CRACD: variants seen among roughly 807,000 people sequenced by gnomAD.
The protein encoded by CRACD is capping protein-inhibiting regulator of actin dynamics.
In CRACD, 56 loss-of-function variants were observed where a neutral mutation model predicts 106.8. The ratio of observed to expected loss-of-function variants is 0.52; its 90% confidence interval spans 0.42 to 0.66. The LOEUF (loss-of-function observed/expected upper bound fraction) is 0.66. Ranked by LOEUF, CRACD falls within the 30% of genes least tolerant of loss-of-function variation. The pLI, the probability that CRACD is intolerant of heterozygous loss-of-function variation, is 0.00. For missense variants in CRACD, 1,730 were observed against 1,623.2 expected (o/e 1.07, Z -1.13); for synonymous variants, 754 against 670.8 (o/e 1.12, Z -1.92).
chr4:56,073,068 G>T (rs758812879), intron 1 of CRACD, among the ~76,000 whole-genome samples: 1 of 152,088 alleles, frequency 6.6e-6, no homozygotes, highest in Non-Finnish European at 1.5e-5. Flanking sequence ...ATAAACATAC[G>T]TTTGCCTGTG....
intron 4 of CRACD, among the ~76,000 whole-genome samples, chr4:56,304,037 G>T (rs1744521487): frequency 6.6e-6 from 1 of 152,134 alleles, no homozygotes; most frequent in Non-Finnish European, 1.5e-5. Context: ...TTGCCAGGAT[G>T]AACATATCTG....
At chr4:56,297,536 A>T (rs937211381) in intron 3 of CRACD, among the ~76,000 whole-genome samples, 2 of 152,186 alleles carry the variant, frequency 1.3e-5, no homozygotes, top group Non-Finnish European at 2.9e-5. Context: ...CCATGATCAC[A>T]CCACTGCACT....
At chr4:56,117,492 T>G (rs1577674066) in intron 1 of CRACD, among the ~76,000 whole-genome samples, 1 of 151,536 alleles carries the variant, frequency 6.6e-6, no homozygotes, top group African/African-American at 2.4e-5. Context: ...TGGAAGGAGG[T>G]TGGGAAATGG....
In CRACD at chr4:56,314,473, AG is replaced by A; in HGVS notation, c.973del (p.Ala325ProfsTer99). 6.5e-7 allele frequency: 1 copy of A among 1,531,398 alleles called. No homozygotes were observed. The highest frequency in any genetic ancestry group is 1.2e-5 in the South Asian group (1 of 81,892). The allele number at this position is 1,531,398 out of a possible 1,614,324, so 94.9% of individuals were successfully genotyped here. A position where few individuals can be genotyped will look rare whatever the true frequency, so the allele number is the denominator to read the frequency against. Reference protein sequence around the residue: ...LEAEEERRRLQAQAQAEERRR... With the variant: ...LEAEEERRRLXAQAQAEERRR... The stretch of plus-strand genomic sequence containing the variant: ...GCGGAGGAGGAGCGAAGGCGTCTGC[AG>A]GCCCAGGCCCAAGCGGAGGAGAGGC... On this transcript the variant is annotated frameshift_variant, in exon 8 of 11. Transcript: ENST00000682029. LOFTEE classifies it high-confidence loss of function. The surrounding 1 kb of genome is among the most constrained non-coding windows in gnomAD (Gnocchi z 4.4).
intron 1 of CRACD, among the ~76,000 whole-genome samples, chr4:56,116,631 C>T (rs1294927181): frequency 6.6e-6 from 1 of 152,208 alleles, no homozygotes; most frequent in East Asian, 1.9e-4. Flanking sequence ...TGTAAGTAAA[C>T]TTACGCATTT....
Position 56,315,631 on chromosome 4 carries a change from G to A in CRACD, c.2129G>A (p.Arg710Gln), listed in dbSNP as rs3796546. The change falls in exon 8 of 11, where the codon CGG becomes CAG. Residue 710 changes from arginine to glutamine, a missense_variant. Physicochemically the swap from Arg to Gln is conservative, Grantham distance 43 (BLOSUM62 1). This residue lies in a region of CRACD where 1,620 missense variants were observed against 1,481.6 expected (regional missense o/e 1.09). Transcript: ENST00000682029. This position sits in a 1 kb window ranked among gnomAD's most constrained non-coding sequence, Gnocchi z 4.1. ...CGGTGTGATTCCCGCGGGAACCAACGGAAGACTCCGCCAGTCAATGCAAAG... is the reference window on the plus strand; with the variant it reads ...CGGTGTGATTCCCGCGGGAACCAACAGAAGACTCCGCCAGTCAATGCAAAG... Reference protein sequence around the residue: ...RGRCDSRGNQRKTPPVNAKFS... With the variant: ...RGRCDSRGNQQKTPPVNAKFS... The A allele has an allele frequency of 4.2e-5, 68 of 1,614,152 alleles. No individual in the cohort carries two copies. The East Asian group carries it at 1.3e-3, about 32-fold the overall frequency.
chr4:56,146,167 CAA>C (rs1303601157), intron 1 of CRACD, among the ~76,000 whole-genome samples: 1 of 152,086 alleles, frequency 6.6e-6, no homozygotes, highest in Non-Finnish European at 1.5e-5. Context: ...AAGAATTATT[CAA>C]AAGAGTATCT....
At chr4:56,051,760 T>C (rs1026271177) in intron 1 of CRACD, among the ~76,000 whole-genome samples, 2 of 152,220 alleles carry the variant, frequency 1.3e-5, no homozygotes, top group African/African-American at 2.4e-5. Context: ...AGAAAAGGTA[T>C]ATTTTACAAC....
intron 1 of CRACD, among the ~76,000 whole-genome samples, chr4:56,103,849 C>G (rs557547520): frequency 2.6e-5 from 4 of 152,332 alleles, no homozygotes; most frequent in African/African-American, 9.6e-5. Context: ...GGCACAATCT[C>G]AGCTCACTGC....
At chr4:56,210,650 CA>C (rs1412353334) in intron 2 of CRACD, among the ~76,000 whole-genome samples, 1 of 152,212 alleles carries the variant, frequency 6.6e-6, no homozygotes, top group African/African-American at 2.4e-5. Context: ...TTGTCTTCCC[CA>C]TAACTAAAGT....
At chr4:56,295,462 G>C (rs1295696262) in intron 3 of CRACD, among the ~76,000 whole-genome samples, 1 of 151,608 alleles carries the variant, frequency 6.6e-6, no homozygotes, top group Non-Finnish European at 1.5e-5. Flanking sequence ...GTAATGAATG[G>C]ACATCAGATC....
chr4:56,293,870 G>A (rs1343694458), intron 3 of CRACD, among the ~76,000 whole-genome samples: 2 of 152,146 alleles, frequency 1.3e-5, no homozygotes, highest in African/African-American at 4.8e-5. Flanking sequence ...AACCATATCA[G>A]TAGATCATGT....
At chr4:56,130,751 C>G (rs1204115440) in intron 1 of CRACD, among the ~76,000 whole-genome samples, 1 of 152,056 alleles carries the variant, frequency 6.6e-6, no homozygotes, top group Non-Finnish European at 1.5e-5. Flanking sequence ...ACAAAATTGG[C>G]TTTCTGCCAA....
intron 1 of CRACD, among the ~76,000 whole-genome samples, chr4:56,054,266 T>G (rs1185430321): frequency 6.6e-5 from 10 of 152,178 alleles, no homozygotes; most frequent in African/African-American, 2.4e-4. Flanking sequence ...CTGCAGCCTC[T>G]ACCTCCTGGG....
At position 56,315,224 on chromosome 4, in the gene CRACD, G is replaced by C. The variant is rs1745518408; in HGVS notation, c.1722G>C (p.Lys574Asn). The change falls in exon 8 of 11, where the codon AAG becomes AAC. Residue 574 changes from lysine (K) to asparagine (N), a missense_variant. Around this residue, in one of 5 missense-constraint regions of CRACD, gnomAD observed 1,620 missense variants for 1,481.6 expected, o/e 1.09. Coordinates refer to ENST00000682029, the MANE Select transcript of CRACD (RefSeq NM_001393381.1). This position sits in a 1 kb window ranked among gnomAD's most constrained non-coding sequence, Gnocchi z 4.1. ...TCACCGCTGCTCCCCAGGAACCAAA[G>C]GCCCCCAAAGCCAGCCCAGTCCAGC... is the stretch of plus-strand genomic sequence containing the variant. ...TGLTAAPQEP[K>N]APKASPVQHA... 3.8e-6 allele frequency: 6 copies of C among 1,595,326 alleles called. No homozygotes were observed. Among genetic ancestry groups the C allele is most frequent in the Admixed American group, 1.8e-5 (1 of 56,376 alleles).
chr4:56,254,015 G>T (rs1741196913), intron 2 of CRACD, among the ~76,000 whole-genome samples: 4 of 152,186 alleles, frequency 2.6e-5, no homozygotes, highest in Admixed American at 6.5e-5. Context: ...AGAATTGGAA[G>T]GTCATCTGTT....
chr4:56,238,390 A>G (rs1740121739), intron 2 of CRACD, among the ~76,000 whole-genome samples: 1 of 152,246 alleles, frequency 6.6e-6, no homozygotes, highest in South Asian at 2.1e-4. Context: ...ATGGCCACTT[A>G]GGGCTTCAAA....
chr4:56,217,003 GA>G (rs74605138), intron 2 of CRACD, among the ~76,000 whole-genome samples: 7,760 of 112,650 alleles, frequency 0.069, 259 homozygotes, highest in South Asian at 0.2. Flanking sequence ...AAAAAAAAAA[GA>G]AAAAAAAAAA....
At chr4:56,152,994 C>T (rs1735635941) in intron 1 of CRACD, among the ~76,000 whole-genome samples, 1 of 152,000 alleles carries the variant, frequency 6.6e-6, no homozygotes, top group Non-Finnish European at 1.5e-5. Context: ...AAATACAATT[C>T]CTGGCCAGGT....
Sources: gnomAD v4.1 joint callset for allele counts (sites outside exome capture counted in the v4.1 genomes callset) on GRCh38, gnomAD v4.1.1 for gene constraint, gnomAD v4.1.1 regional missense constraint, Gnocchi (gnomAD v3.1) non-coding constraint, MANE v1.5 for transcripts, NCBI Gene and HGNC (gene_info 2026-07-23, HGNC 2026-07-21) for gene names.